Variants in GLB1 observed in about 807,000 individuals in gnomAD.
GLB1 encodes galactosidase beta 1.
A neutral mutation model predicts 74.0 loss-of-function variants in GLB1; 56 were observed. The ratio of observed to expected loss-of-function variants is 0.76; its 90% CI spans 0.61 to 0.94. The LOEUF (loss-of-function observed/expected upper bound fraction) is 0.94. Ranked by LOEUF, GLB1 falls within the 40% of genes least tolerant of loss-of-function variation. The pLI, the probability that GLB1 is intolerant of heterozygous loss-of-function variation, is 0.00. For missense variants in GLB1, 787 were observed against 845.5 expected (o/e 0.93, Z 0.86); for synonymous variants, 323 against 323.6 (o/e 1.00, Z 0.02).
chr3:33,017,002 G>A (rs998085942), intron 13 of GLB1, among the ~76,000 whole-genome samples, 162 bp from the exon 14 acceptor site: 3 of 152,208 alleles, frequency 2.0e-5, no homozygotes, highest in Non-Finnish European at 2.9e-5. Context: ...TACCGGCCAG[G>A]TCGGAAAGAT....
chr3:33,096,397 T>G, intron 1 of GLB1: 6 of 882,110 alleles, frequency 6.8e-6, no homozygotes, highest in Non-Finnish European at 8.1e-6. Flanking sequence ...AGCCTGCCTA[T>G]TCCCCCCCTC....
chr3:33,051,867 G>A lies in GLB1; in HGVS notation c.914+16C>T, dbSNP rs753982248. On this transcript the variant is annotated intron_variant, in intron 8 of 15. Transcript: ENST00000307363. The stretch of plus-strand genomic sequence containing the variant: ...GGCTACTGAGGGCACCCTCCCCTCA[G>A]GCAATGAACACTCACAAGTTCACAC... The A allele has an allele frequency of 6.2e-7, 1 of 1,614,200 alleles. No homozygotes were observed. The highest frequency in any genetic ancestry group is 1.1e-5 in the South Asian group (1 of 91,086).
intron 13 of GLB1, among the ~76,000 whole-genome samples, 160 bp downstream of exon 13, chr3:33,018,285 CAAA>C (rs57833238): frequency 2.4e-5 from 1 of 41,968 alleles, no homozygotes; most frequent in African/African-American, 1.2e-4. Context: ...AACCCTGTCT[CAAA>C]AAAAAAAAAA....
At chr3:33,090,274 A>C (rs1700691871) in intron 1 of GLB1, 1 of 504,404 alleles carries the variant, frequency 2.0e-6, no homozygotes, top group Admixed American at 6.4e-5. Context: ...CCAGCCAAAA[A>C]ATAAAGAGTA....
chr3:32,996,444 AATACTATGCTTCTATATAGAT>A (rs1255361537), downstream of GLB1, among the ~76,000 whole-genome samples: 3 of 152,326 alleles, frequency 2.0e-5, no homozygotes, highest in East Asian at 5.8e-4. Flanking sequence ...TAGTGGCTAA[AATACTATGCTTCTATATAGAT>A]ATACCATACT....
chr3:33,053,275 G>C (rs1467398499), intron 7 of GLB1, among the ~76,000 whole-genome samples: 1 of 152,156 alleles, frequency 6.6e-6, no homozygotes, highest in African/African-American at 2.4e-5. Context: ...CATTCATGTT[G>C]GTCCCCAGTC....
chr3:33,093,148 C>G lies in GLB1; in HGVS notation c.75+3863G>C, dbSNP rs779827089. The G allele has an allele frequency of 3.1e-6, 5 of 1,614,162 alleles. No individual in the cohort carries two copies. On this transcript the variant is annotated intron_variant, in intron 1 of 15. Coordinates refer to ENST00000307363, the MANE Select transcript of GLB1 (RefSeq NM_000404.4). The surrounding 1 kb of genome is among the most constrained non-coding windows in gnomAD (Gnocchi z 6.0). ...CAGCCCTCCAGGGCCTTGTCAAGATCCATGCCATGGCCAGAGTAGTGCAGG... is the reference window on the plus strand; with the variant it reads ...CAGCCCTCCAGGGCCTTGTCAAGATGCATGCCATGGCCAGAGTAGTGCAGG...
chr3:32,993,008 G>C (rs191452926), downstream of GLB1, among the ~76,000 whole-genome samples: 129 of 152,338 alleles, frequency 8.5e-4, no homozygotes, highest in African/African-American at 3.0e-3. Context: ...CCCATGTGCT[G>C]ATGGTCCACA....
chr3:33,009,232 TA>T lies in GLB1; in HGVS notation c.1734+4823del, dbSNP rs1260685769. On this transcript the variant is annotated intron_variant, in intron 15 of 15. Transcript: ENST00000307363. The stretch of plus-strand genomic sequence containing the variant: ...ATGGTGGAATGTTTCAGGTCATTAA[TA>T]AGATTTAAGGCCGGGTGCAGTGGTT... Among the ~76,000 whole-genome samples, 16 of 150,408 alleles carry T rather than the reference TA, an allele frequency of 1.1e-4. No individual in the cohort carries two copies. The South Asian group carries it at 3.4e-3, about 32-fold the overall frequency.
intron 1 of GLB1, among the ~76,000 whole-genome samples, chr3:33,078,162 C>G (rs527670641): frequency 1.8e-4 from 27 of 152,078 alleles, no homozygotes; most frequent in Non-Finnish European, 2.9e-4. Flanking sequence ...GAAGATTGCT[C>G]GAGCCCAGGA....
chr3:33,080,370 C>T (rs1046697889), intron 1 of GLB1, among the ~76,000 whole-genome samples: 10 of 151,682 alleles, frequency 6.6e-5, no homozygotes, highest in East Asian at 1.9e-4. Context: ...TGAGCCACCG[C>T]GCCTGGTCTT....
At chr3:32,988,641 T>C in the GLB1 span, among the ~76,000 whole-genome samples, 3 of 152,334 alleles carry the variant, frequency 2.0e-5, no homozygotes, top group East Asian at 1.9e-4. Context: ...TTCTGTTTCC[T>C]GAACAATCAG....
At chr3:33,063,475 G>A (rs1041867362) in intron 5 of GLB1, among the ~76,000 whole-genome samples, 4 of 152,182 alleles carry the variant, frequency 2.6e-5, no homozygotes, top group African/African-American at 7.2e-5. Flanking sequence ...AGGACCCAGG[G>A]TCAAGTTAAA....
At chr3:32,989,825 C>T in the GLB1 span, among the ~76,000 whole-genome samples, 1 of 152,188 alleles carries the variant, frequency 6.6e-6, no homozygotes, top group African/African-American at 2.4e-5. Context: ...ATTCTTCCTA[C>T]CTCTTGATTT....
At chr3:33,005,663 C>A (rs187120355) in intron 15 of GLB1, among the ~76,000 whole-genome samples, 2 of 152,110 alleles carry the variant, frequency 1.3e-5, no homozygotes, top group Admixed American at 1.3e-4. Context: ...CCAGCTAATT[C>A]AAAAATTTTT....
the GLB1 span, among the ~76,000 whole-genome samples, chr3:32,963,262 C>T: frequency 6.6e-6 from 1 of 152,140 alleles, no homozygotes; most frequent in Non-Finnish European, 1.5e-5. Context: ...ATTCATATGT[C>T]ACACTACACA....
At chr3:33,009,235 G>A (rs1696919579) in intron 15 of GLB1, among the ~76,000 whole-genome samples, 1 of 151,214 alleles carries the variant, frequency 6.6e-6, no homozygotes, top group Admixed American at 6.6e-5. Flanking sequence ...TCATTAATAA[G>A]ATTTAAGGCC....
intron 10 of GLB1, among the ~76,000 whole-genome samples, chr3:33,035,496 T>C (rs1031573018): frequency 3.9e-5 from 6 of 152,174 alleles, no homozygotes; most frequent in African/African-American, 1.2e-4. Context: ...AACATTTGTG[T>C]CCTCCCAAAA....
chr3:33,070,833 A>C (rs1699862869), intron 2 of GLB1, among the ~76,000 whole-genome samples: 1 of 152,224 alleles, frequency 6.6e-6, no homozygotes, highest in Admixed American at 6.5e-5. Context: ...TGACAGAGCA[A>C]GACCCCAGCT....
Sources: gnomAD v4.1 joint callset for allele counts (sites outside exome capture counted in the v4.1 genomes callset) on GRCh38, gnomAD v4.1.1 for gene constraint, Gnocchi (gnomAD v3.1) non-coding constraint, MANE v1.5 for transcripts, NCBI Gene and HGNC (gene_info 2026-07-23, HGNC 2026-07-21) for gene names.